Variants in DTHD1 observed in about 807,000 individuals in gnomAD.
DTHD1 encodes death domain-containing protein 1.
DTHD1 carries 59 observed loss-of-function variants against 74.8 expected under a neutral mutation model. That is an observed-to-expected ratio of 0.79 (90% CI 0.64 to 0.98). The LOEUF (loss-of-function observed/expected upper bound fraction) is 0.98. Ranked by LOEUF, DTHD1 falls within the 50% of genes least tolerant of loss-of-function variation. DTHD1 has a pLI of 0.00. For missense variants in DTHD1, 1,051 were observed against 1,065.4 expected (o/e 0.99, Z 0.19); for synonymous variants, 365 against 371.1 (o/e 0.98, Z 0.19).
chr4:36,296,780 C>G (rs774611840), intron 5 of DTHD1, among the ~76,000 whole-genome samples: 1 of 151,174 alleles, frequency 6.6e-6, no homozygotes, highest in Non-Finnish European at 1.5e-5. Context: ...GTGCTTTTTC[C>G]AATCTGCTTC....
intron 8 of DTHD1, among the ~76,000 whole-genome samples, chr4:36,319,626 C>A (rs372648808): frequency 6.6e-5 from 10 of 152,296 alleles, no homozygotes; most frequent in African/African-American, 2.4e-4. Flanking sequence ...GATGGCAGAC[C>A]ATGCAAAGAA....
At chr4:36,302,258 C>T (rs569718770) in intron 5 of DTHD1, among the ~76,000 whole-genome samples, 2 of 152,288 alleles carry the variant, frequency 1.3e-5, no homozygotes, top group South Asian at 4.1e-4. Flanking sequence ...GCAGCAACAT[C>T]AGCAAAGCAA....
At chr4:36,339,910 T>C (rs535586934) in intron 9 of DTHD1, among the ~76,000 whole-genome samples, 107 of 152,280 alleles carry the variant, frequency 7.0e-4, no homozygotes, top group African/African-American at 2.4e-3. Flanking sequence ...ATAAACGGTG[T>C]TTAAAAAGAG....
intron 8 of DTHD1, among the ~76,000 whole-genome samples, chr4:36,322,032 C>T (rs544969908): frequency 6.6e-6 from 1 of 152,256 alleles, no homozygotes; most frequent in East Asian, 1.9e-4. Context: ...GAAACTTCAC[C>T]TTCTCTCTGT....
In DTHD1 at chr4:36,293,539, C is replaced by A; in HGVS notation, c.1232C>A (p.Ser411Ter). The A allele has an allele frequency of 6.5e-7, 1 of 1,541,330 alleles. No individual in the cohort carries two copies. Among genetic ancestry groups the A allele is most frequent in the Non-Finnish European group, 8.8e-7 (1 of 1,140,618 alleles). Residue 411 changes from serine to a stop codon, truncating the protein, a stop_gained, in exon 4 of 10, where the codon TCA becomes TAA. Coordinates refer to ENST00000639862, the MANE Select transcript of DTHD1 (RefSeq NM_001170700.3). LOFTEE classifies it high-confidence loss of function. ...TATTCTATACAGGGGACCTGTGCTT[C>A]AGTAAAAGTTTACAAATTGGGTATC... ...MKGGYKGTCASVKVYKLGIFS... is the reference protein window; with the variant it reads ...MKGGYKGTCA
rs1756132759 is a variant in DTHD1, at chr4:36,292,402, G to T, written c.1219-1124G>T. Among the ~76,000 whole-genome samples, 6 of 152,294 alleles carry T rather than the reference G, an allele frequency of 3.9e-5. No homozygotes were observed. The South Asian group carries it at 1.2e-3, about 32-fold the overall frequency. On this transcript the variant is annotated intron_variant, in intron 3 of 9. Coordinates refer to ENST00000639862, the MANE Select transcript of DTHD1 (RefSeq NM_001170700.3). ...ACAGGCGTGAATTTTTCTCTTTATA[G>T]TAAGAAAAACATTTTAAACTTTGGA...
chr4:36,318,576 T>TATCA (rs1432693649), intron 8 of DTHD1, among the ~76,000 whole-genome samples: 1 of 152,006 alleles, frequency 6.6e-6, no homozygotes, highest in African/African-American at 2.4e-5. Context: ...GGTGTACATC[T>TATCA]ATCAGTTTTG....
chr4:36,303,001 A>G (rs1295443285), intron 5 of DTHD1, among the ~76,000 whole-genome samples: 1 of 152,208 alleles, frequency 6.6e-6, no homozygotes, highest in Non-Finnish European at 1.5e-5. Flanking sequence ...TCTGTATCAT[A>G]TATTATTTTT....
chr4:36,293,302 G>C (rs1386270997), intron 3 of DTHD1, among the ~76,000 whole-genome samples: 1 of 152,094 alleles, frequency 6.6e-6, no homozygotes, highest in Non-Finnish European at 1.5e-5. Flanking sequence ...TAAGAAGTAT[G>C]TTTATTTCTG....
intron 5 of DTHD1, among the ~76,000 whole-genome samples, chr4:36,300,701 T>C (rs551621391): frequency 1.3e-5 from 2 of 152,244 alleles, no homozygotes; most frequent in African/African-American, 2.4e-5. Context: ...TTTTAGAGTC[T>C]ACCTAAGAAG....
intron 7 of DTHD1, among the ~76,000 whole-genome samples, chr4:36,314,069 G>GTTTTTTTTTT (rs375245524): frequency 3.6e-5 from 5 of 138,992 alleles, no homozygotes; most frequent in Non-Finnish European, 3.1e-5. Flanking sequence ...CTAGGAATCT[G>GTTTTTTTTTT]TTTTTTTTTT....
intron 9 of DTHD1, among the ~76,000 whole-genome samples, chr4:36,340,044 C>CAA (rs1759231462): frequency 6.6e-6 from 1 of 152,170 alleles, no homozygotes; most frequent in African/African-American, 2.4e-5. Context: ...TTAACAGTCA[C>CAA]TGGAGAATAC....
chr4:36,330,232 G>C (rs569994709), intron 8 of DTHD1, among the ~76,000 whole-genome samples: 1 of 152,288 alleles, frequency 6.6e-6, no homozygotes, highest in South Asian at 2.1e-4. Context: ...CTACTGTCAA[G>C]TCAGTAAAAT....
chr4:36,286,862 C>T (rs1755744399), intron 2 of DTHD1, among the ~76,000 whole-genome samples: 2 of 152,106 alleles, frequency 1.3e-5, no homozygotes, highest in African/African-American at 2.4e-5. Flanking sequence ...AGCAATAATA[C>T]AGTATTATAA....
At chr4:36,342,116 G>A (rs560982083) in intron 9 of DTHD1, among the ~76,000 whole-genome samples, 202 of 152,300 alleles carry the variant, frequency 1.3e-3, no homozygotes, top group African/African-American at 4.5e-3. Flanking sequence ...GATCCGCAGG[G>A]CTGCTGATGA....
At chr4:36,294,155 A>G (rs184117978) in intron 4 of DTHD1, among the ~76,000 whole-genome samples, 55 of 152,098 alleles carry the variant, frequency 3.6e-4, no homozygotes, top group African/African-American at 1.3e-3. Flanking sequence ...GTAAGGATTT[A>G]ATATACGCAA....
intron 7 of DTHD1, chr4:36,311,085 T>A (rs1757377392): frequency 6.6e-6 from 1 of 152,216 alleles, no homozygotes; most frequent in Admixed American, 6.5e-5. Flanking sequence ...ACTGTTCTAC[T>A]CACAAGCAGT....
intron 2 of DTHD1, among the ~76,000 whole-genome samples, chr4:36,287,915 T>C (rs1755814147): frequency 6.6e-6 from 1 of 152,192 alleles, no homozygotes; most frequent in South Asian, 2.1e-4. Flanking sequence ...TTGAGAAGAT[T>C]TTCTCCCACT....
At chr4:36,293,490 G>A (rs1272233980) in intron 3 of DTHD1, 36 bp from the exon 4 acceptor site, 5 of 1,453,684 alleles carry the variant, frequency 3.4e-6, no homozygotes, top group Non-Finnish European at 4.6e-6. Flanking sequence ...TCAAATCAGT[G>A]CTATAGCTTA....
Sources: gnomAD v4.1 joint callset for allele counts (sites outside exome capture counted in the v4.1 genomes callset) on GRCh38, gnomAD v4.1.1 for gene constraint, MANE v1.5 for transcripts, NCBI Gene and HGNC (gene_info 2026-07-23, HGNC 2026-07-21) for gene names.